CGNL1: variants seen among roughly 807,000 people sequenced by gnomAD.
The protein encoded by CGNL1 is cingulin-like protein 1.
Under a neutral mutation model 141.2 loss-of-function variants are expected in CGNL1, and 132 were observed. The observed-to-expected ratio is 0.93, with a 90% confidence interval of 0.81 to 1.08. The LOEUF is 1.08. Among genes scored for constraint, CGNL1 ranks in the 50% least tolerant of loss-of-function variants. The probability of loss-of-function intolerance (pLI) is 0.00; values close to 1 mark genes in which losing one functional copy is unlikely to be tolerated. For synonymous variants in CGNL1, 690 were observed against 622.1 expected, an observed-to-expected ratio of 1.11 and a Z score of -1.63; for missense variants, 1,870 against 1,588.6, an observed-to-expected ratio of 1.18 and a Z score of -3.01.
intron 1 of CGNL1, among the ~76,000 whole-genome samples, chr15:57,401,510 C>A (rs1183958518): frequency 6.6e-6 from 1 of 152,162 alleles, no homozygotes; most frequent in Non-Finnish European, 1.5e-5. Context: ...CATTTCCTTA[C>A]CAGCTCGAGT....
chr15:57,456,201 G>A (rs1468917150), intron 7 of CGNL1, among the ~76,000 whole-genome samples: 1 of 152,156 alleles, frequency 6.6e-6, no homozygotes, highest in Admixed American at 6.5e-5. Flanking sequence ...TGATAACAGA[G>A]TATAGTTGTG....
intron 10 of CGNL1, 100 bp from the exon 11 acceptor site, chr15:57,523,389 T>C: frequency 1.0e-6 from 1 of 963,672 alleles, no homozygotes; most frequent in Non-Finnish European, 1.6e-6. Flanking sequence ...TTAACAGATC[T>C]GATTGCTTTG....
chr15:57,398,730 C>T (rs1357987912), intron 1 of CGNL1, among the ~76,000 whole-genome samples: 1 of 152,182 alleles, frequency 6.6e-6, no homozygotes, highest in Non-Finnish European at 1.5e-5. Context: ...GGTACACATA[C>T]CTCTATTGTT....
At chr15:57,434,457 G>T (rs1459740554) in intron 1 of CGNL1, among the ~76,000 whole-genome samples, 1 of 152,028 alleles carries the variant, frequency 6.6e-6, no homozygotes, top group Non-Finnish European at 1.5e-5. Flanking sequence ...ATCACAGAAA[G>T]AATGCAAAAA....
At chr15:57,482,127 A>T (rs2063734047) in intron 8 of CGNL1, among the ~76,000 whole-genome samples, 4 of 150,658 alleles carry the variant, frequency 2.7e-5, no homozygotes, top group South Asian at 2.1e-4. Context: ...TTTTTTTTTT[A>T]AACTGTTGAG....
rs183566293 is a variant in CGNL1, at chr15:57,403,776, G to T, written c.-16+27209G>T. ...GCAGAAGGAAAGAAACATCCCGAGG[G>T]AGTGTCCAGTGGGTTTTAATGGCCG... On this transcript the variant is annotated intron_variant, in intron 1 of 18. Transcript: ENST00000281282. 9.7e-4 allele frequency among the ~76,000 whole-genome samples: 148 copies of T among 152,338 alleles called. 4 individuals carry two copies. The South Asian group carries it at 0.028, about 28-fold the overall frequency.
intron 1 of CGNL1, among the ~76,000 whole-genome samples, chr15:57,410,481 C>G (rs185978849): frequency 2.6e-4 from 40 of 152,238 alleles, no homozygotes; most frequent in Admixed American, 2.5e-3. Flanking sequence ...TCTTCTATTC[C>G]ATGTCGCTGG....
chr15:57,473,512 G>A (rs1488769780), intron 8 of CGNL1, among the ~76,000 whole-genome samples: 1 of 152,166 alleles, frequency 6.6e-6, no homozygotes, highest in East Asian at 1.9e-4. Context: ...TGGGCCTCTT[G>A]CTCCATTATA....
intron 7 of CGNL1, among the ~76,000 whole-genome samples, chr15:57,456,685 T>A (rs982375941): frequency 3.9e-5 from 6 of 152,208 alleles, no homozygotes; most frequent in African/African-American, 1.2e-4. Flanking sequence ...TTCCACCACT[T>A]CTCTGTCAGG....
chr15:57,463,766 C>T (rs1358435267), intron 8 of CGNL1, among the ~76,000 whole-genome samples: 1 of 152,238 alleles, frequency 6.6e-6, no homozygotes, highest in Non-Finnish European at 1.5e-5. Context: ...CTCCAGAAAA[C>T]TCTGTGTCTT....
chr15:57,413,904 G>C (rs1222228607), intron 1 of CGNL1, among the ~76,000 whole-genome samples: 1 of 152,160 alleles, frequency 6.6e-6, no homozygotes, highest in African/African-American at 2.4e-5. Context: ...CTCTTTCAAG[G>C]AGATGCCTCC....
intron 10 of CGNL1, among the ~76,000 whole-genome samples, chr15:57,521,226 C>T (rs2031234793): frequency 6.6e-6 from 1 of 152,146 alleles, no homozygotes; most frequent in Non-Finnish European, 1.5e-5. Context: ...CCTATTGGAA[C>T]ATATGTCTTG....
intron 4 of CGNL1, 132 bp downstream of exon 4, chr15:57,442,610 C>T: frequency 1.8e-6 from 1 of 546,760 alleles, no homozygotes; most frequent in Non-Finnish European, 3.3e-6. Flanking sequence ...GAGTACTCTT[C>T]ATGTTTTACA....
chr15:57,483,129 T>C (rs993133355), intron 8 of CGNL1, among the ~76,000 whole-genome samples: 6 of 152,210 alleles, frequency 3.9e-5, no homozygotes, highest in African/African-American at 1.4e-4. Context: ...TCTGTATCTA[T>C]ACAAATTTTG....
At chr15:57,462,112 A>C (rs1174508178) in intron 8 of CGNL1, among the ~76,000 whole-genome samples, 1 of 152,188 alleles carries the variant, frequency 6.6e-6, no homozygotes, top group African/African-American at 2.4e-5. Context: ...ACATTGGTTA[A>C]ATCCTGTTGC....
intron 1 of CGNL1, among the ~76,000 whole-genome samples, chr15:57,414,000 A>T (rs576821200): frequency 6.6e-6 from 1 of 152,368 alleles, no homozygotes; most frequent in Admixed American, 6.5e-5. Flanking sequence ...TCTAACAGAA[A>T]TGAAAAGTCT....
In CGNL1 at chr15:57,385,074, G is replaced by C. The variant is rs183201994; in HGVS notation, c.-16+8507G>C. Among the ~76,000 whole-genome samples, 6 of 152,314 alleles carry C rather than the reference G, an allele frequency of 3.9e-5. No homozygotes were observed. In the East Asian group the frequency reaches 7.7e-4, roughly 20 times the overall value. On this transcript the variant is annotated intron_variant, in intron 1 of 18. Transcript: ENST00000281282. ...ACACCCAGCTTGCAGACTACTGAGT[G>C]AATCAGGGAGGCCCTTCAGACTTCC...
intron 1 of CGNL1, among the ~76,000 whole-genome samples, chr15:57,424,806 G>A (rs2062955226): frequency 6.6e-6 from 1 of 152,170 alleles, no homozygotes; most frequent in African/African-American, 2.4e-5. Context: ...GTACAAGGTA[G>A]GTAACATCTG....
At chr15:57,529,617 T>C (rs1178024831) in intron 13 of CGNL1, among the ~76,000 whole-genome samples, 1 of 129,628 alleles carries the variant, frequency 7.7e-6, no homozygotes, top group Non-Finnish European at 1.6e-5. Context: ...CACGCCCCAG[T>C]AGAATTTAGA....
Sources: gnomAD v4.1 joint callset for allele counts (sites outside exome capture counted in the v4.1 genomes callset) on GRCh38, gnomAD v4.1.1 for gene constraint, MANE v1.5 for transcripts, NCBI Gene and HGNC (gene_info 2026-07-23, HGNC 2026-07-21) for gene names.